Variants in FRAS1 observed in about 807,000 individuals in gnomAD.
FRAS1 encodes the protein Fraser extracellular matrix complex subunit 1.
Under a neutral mutation model 435.2 loss-of-function variants are expected in FRAS1, and 290 were observed. The ratio of observed to expected loss-of-function variants is 0.67; its 90% CI spans 0.61 to 0.73. The LOEUF is 0.73. Ranked by LOEUF, FRAS1 falls within the 30% of genes least tolerant of loss-of-function variation. The pLI is 0.00. For missense variants in FRAS1, 4,860 were observed against 5,001.5 expected (o/e 0.97, Z 0.85); for synonymous variants, 1,800 against 1,851.0 (o/e 0.97, Z 0.71).
intron 14 of FRAS1, among the ~76,000 whole-genome samples, chr4:78,299,671 C>T (rs1308598584): frequency 1.3e-5 from 2 of 152,164 alleles, no homozygotes; most frequent in Non-Finnish European, 2.9e-5. Context: ...CCAGAATGAA[C>T]TCTCTAAAAA....
chr4:78,113,798 A>C (rs1473457563), intron 2 of FRAS1, among the ~76,000 whole-genome samples: 1 of 152,130 alleles, frequency 6.6e-6, no homozygotes, highest in South Asian at 2.1e-4. Context: ...CTCTGATGGT[A>C]GTTTCTTTTG....
chr4:78,086,976 G>T (rs536449486), intron 2 of FRAS1, among the ~76,000 whole-genome samples: 3 of 152,068 alleles, frequency 2.0e-5, no homozygotes, highest in South Asian at 2.1e-4. Flanking sequence ...ACCAAAAAAA[G>T]AGAATTTTAG....
At chr4:78,277,585 T>C (rs992635421) in intron 9 of FRAS1, among the ~76,000 whole-genome samples, 13 of 152,288 alleles carry the variant, frequency 8.5e-5, no homozygotes, top group African/African-American at 2.6e-4. Context: ...TGTTAGTGTA[T>C]ACACATGAAA....
chr4:78,152,607 C>CTTTTTTTTTTTTTTTTTT (rs71214398), intron 2 of FRAS1, among the ~76,000 whole-genome samples: 1 of 72,412 alleles, frequency 1.4e-5, no homozygotes, highest in Non-Finnish European at 2.4e-5. Context: ...ATGTAGGCTG[C>CTTTTTTTTTTTTTTTTTT]TTTTTTTTTT....
At chr4:78,150,148 C>G (rs1720583736) in intron 2 of FRAS1, among the ~76,000 whole-genome samples, 1 of 152,170 alleles carries the variant, frequency 6.6e-6, no homozygotes, top group African/African-American at 2.4e-5. Flanking sequence ...TTTTCTCAGG[C>G]AGGAGGAAGG....
At chr4:78,496,025 A>G (rs1320633500) in intron 59 of FRAS1, among the ~76,000 whole-genome samples, 2 of 152,336 alleles carry the variant, frequency 1.3e-5, no homozygotes, top group Admixed American at 1.3e-4. Context: ...CTCTACTCAT[A>G]TATCCTTTGC....
intron 20 of FRAS1, among the ~76,000 whole-genome samples, chr4:78,343,829 C>A (rs1487522987): frequency 6.6e-6 from 1 of 152,168 alleles, no homozygotes; most frequent in East Asian, 1.9e-4. Context: ...CCCCTCCAGA[C>A]ACAGTGACTG....
At chr4:78,520,575 T>C (rs2109893570) in intron 67 of FRAS1, among the ~76,000 whole-genome samples, 1 of 152,304 alleles carries the variant, frequency 6.6e-6, no homozygotes, top group East Asian at 1.9e-4. Context: ...ATATAACCTA[T>C]ACATATACTC....
In FRAS1 at chr4:78,430,436, A is replaced by T. The variant is rs73831318; in HGVS notation, c.4969+19A>T. On this transcript the variant is annotated intron_variant, in intron 37 of 73. Transcript: ENST00000512123. ...GCCACAGGTAGCTACACACCTACAC[A>T]CTCTGTCACTGACCTGCTTGGAGGA... is the stretch of plus-strand genomic sequence containing the variant. The T allele has an allele frequency of 2.7e-3, 4,300 of 1,603,006 alleles. 95 individuals carry two copies. In the African/African-American group the frequency reaches 0.049, roughly 18 times the overall value.
At chr4:78,264,417 A>G (rs777912085) in intron 6 of FRAS1, among the ~76,000 whole-genome samples, 18 of 152,298 alleles carry the variant, frequency 1.2e-4, no homozygotes, top group East Asian at 3.9e-4. Flanking sequence ...TTTTCATGTG[A>G]AAGACCTCTC....
At chr4:78,306,039 C>A (rs1178280763) in intron 14 of FRAS1, among the ~76,000 whole-genome samples, 2 of 151,864 alleles carry the variant, frequency 1.3e-5, no homozygotes, top group Non-Finnish European at 2.9e-5. Context: ...CCTTCAGGAG[C>A]TCTTTTATGG....
At chr4:78,243,389 G>GT (rs1405065087) in intron 3 of FRAS1, among the ~76,000 whole-genome samples, 2 of 152,032 alleles carry the variant, frequency 1.3e-5, no homozygotes, top group Non-Finnish European at 1.5e-5. Context: ...CTTCACTGAT[G>GT]TTTTTTGCCC....
At chr4:78,117,544 T>C (rs1718689454) in intron 2 of FRAS1, among the ~76,000 whole-genome samples, 2 of 152,316 alleles carry the variant, frequency 1.3e-5, no homozygotes, top group East Asian at 1.9e-4. Context: ...TTTATTCTTT[T>C]TCTCTAAACT....
intron 18 of FRAS1, among the ~76,000 whole-genome samples, chr4:78,322,673 A>G (rs545346830): frequency 1.3e-5 from 2 of 152,280 alleles, no homozygotes; most frequent in African/African-American, 2.4e-5. Flanking sequence ...GGATGAAAAA[A>G]CAATACTACA....
At chr4:78,150,098 G>A (rs573471981) in intron 2 of FRAS1, among the ~76,000 whole-genome samples, 112 of 152,240 alleles carry the variant, frequency 7.4e-4, no homozygotes, top group Admixed American at 2.6e-3. Flanking sequence ...CTCTTTTTAC[G>A]TCAAGTTAGC....
At chr4:78,432,291 G>A in intron 37 of FRAS1, 66 bp from the exon 38 acceptor site, 2 of 1,475,654 alleles carry the variant, frequency 1.4e-6, no homozygotes, top group Non-Finnish European at 1.8e-6. Flanking sequence ...GAAAACAAAG[G>A]TGCTATATAA....
chr4:78,213,403 G>A (rs982122423), intron 2 of FRAS1, among the ~76,000 whole-genome samples: 8 of 152,230 alleles, frequency 5.3e-5, no homozygotes, highest in Admixed American at 1.3e-4. Flanking sequence ...TGACTTGGCC[G>A]TTGGCCAAAA....
At chr4:78,138,422 G>A (rs1383161287) in intron 2 of FRAS1, among the ~76,000 whole-genome samples, 2 of 152,084 alleles carry the variant, frequency 1.3e-5, no homozygotes, top group Admixed American at 6.5e-5. Context: ...AGTAACCTAG[G>A]GATCAGCGAT....
chr4:78,317,243 T>C (rs999025752), intron 16 of FRAS1, 125 bp from the exon 17 acceptor site: 1 of 1,065,096 alleles, frequency 9.4e-7, no homozygotes, highest in African/African-American at 1.6e-5. Flanking sequence ...CTAACACATT[T>C]TCCCCTTGGT....
Sources: allele counts gnomAD v4.1 joint callset (sites outside exome capture counted in the v4.1 genomes callset), GRCh38; gene constraint gnomAD v4.1.1; transcripts MANE v1.5; gene names NCBI Gene and HGNC (gene_info 2026-07-23, HGNC 2026-07-21).